The following VPS13D variants were observed in gnomAD, a reference collection of about 807,000 sequenced individuals.
VPS13D encodes intermembrane lipid transfer protein VPS13D.
VPS13D carries 187 observed loss-of-function variants against 461.9 expected under a neutral mutation model. The ratio of observed to expected loss-of-function variants is 0.40; its 90% CI spans 0.36 to 0.46. The LOEUF (loss-of-function observed/expected upper bound fraction) is 0.46, where lower values mean the gene tolerates loss of function less well. Ranked by LOEUF, VPS13D falls within the 20% of genes least tolerant of loss-of-function variation. VPS13D has a pLI of 0.60. For missense variants in VPS13D, 4,711 were observed against 5,364.9 expected (o/e 0.88, Z 3.81); for synonymous variants, 1,951 against 1,986.3 (o/e 0.98, Z 0.47).
chr1:12,361,556 C>T (rs1384962579), intron 50 of VPS13D, among the ~76,000 whole-genome samples: 18 of 150,758 alleles, frequency 1.2e-4, no homozygotes, highest in Admixed American at 7.9e-4. Flanking sequence ...CCACTACGCC[C>T]GGCTAATTTT....
chr1:12,474,026 C>T (rs1431519399), intron 67 of VPS13D, among the ~76,000 whole-genome samples: 1 of 152,118 alleles, frequency 6.6e-6, no homozygotes, highest in African/African-American at 2.4e-5. Flanking sequence ...AATGATATGC[C>T]TCTGGGTTCG....
intron 15 of VPS13D, among the ~76,000 whole-genome samples, chr1:12,268,403 A>G (rs1453685760): frequency 6.6e-6 from 1 of 151,946 alleles, no homozygotes; most frequent in Admixed American, 6.6e-5. Flanking sequence ...TTTCACTTGA[A>G]GACAGCCTGG....
chr1:12,475,066 G>A (rs977089632), intron 67 of VPS13D, among the ~76,000 whole-genome samples: 2 of 152,116 alleles, frequency 1.3e-5, no homozygotes, highest in African/African-American at 4.8e-5. Flanking sequence ...TGCGGAAGTG[G>A]CAGCAGTTCA....
intron 30 of VPS13D, among the ~76,000 whole-genome samples, chr1:12,316,077 A>G (rs1257516300): frequency 6.6e-6 from 1 of 152,146 alleles, no homozygotes; most frequent in Non-Finnish European, 1.5e-5. Flanking sequence ...AGCCTCCCAA[A>G]GTGCTGGGAT....
At position 12,311,443 on chromosome 1, in the gene VPS13D, C is replaced by G. The variant is rs759468264; in HGVS notation, c.6651-11C>G. The G allele has an allele frequency of 2.5e-6, 4 of 1,589,932 alleles. No individual in the cohort carries two copies. Among genetic ancestry groups the G allele is most frequent in the South Asian group, 2.3e-5 (2 of 86,950 alleles). ...CTTGTCTGTGTAAGTGATCTTTTTT[C>G]TTTTTCATAGAGAAATAAGTCATAC... On this transcript the variant is annotated splice_polypyrimidine_tract_variant and intron_variant, in intron 27 of 69. Coordinates refer to ENST00000620676, the MANE Select transcript of VPS13D (RefSeq NM_015378.4).
At chr1:12,289,563 CTT>C (rs761225478) in intron 22 of VPS13D, among the ~76,000 whole-genome samples, 4 of 141,028 alleles carry the variant, frequency 2.8e-5, no homozygotes, top group African/African-American at 2.6e-5. Flanking sequence ...AGGAGATTGG[CTT>C]TTTTTTTTTT....
intron 37 of VPS13D, 139 bp from the exon 38 acceptor site, chr1:12,333,087 G>A: frequency 9.9e-7 from 1 of 1,014,372 alleles, no homozygotes; most frequent in Non-Finnish European, 1.4e-6. Context: ...AAGGTGGTTG[G>A]TGCTTTTGTT....
intron 61 of VPS13D, among the ~76,000 whole-genome samples, chr1:12,401,123 T>C (rs534609639): frequency 1.3e-4 from 20 of 152,328 alleles, no homozygotes; most frequent in African/African-American, 4.6e-4. Flanking sequence ...AAACTTTCTT[T>C]CTTGGAGGAG....
chr1:12,403,323 C>T (rs747875669), intron 62 of VPS13D, among the ~76,000 whole-genome samples: 6 of 152,184 alleles, frequency 3.9e-5, no homozygotes, highest in African/African-American at 7.2e-5. Flanking sequence ...GGAGACAGGG[C>T]GCTGCTTGTA....
chr1:12,456,756 CG>C (rs943321605), intron 66 of VPS13D, among the ~76,000 whole-genome samples: 14 of 152,210 alleles, frequency 9.2e-5, no homozygotes, highest in African/African-American at 3.4e-4. Flanking sequence ...ATACGACAGC[CG>C]GTGAGAACTC....
chr1:12,457,694 G>A (rs540689698), intron 66 of VPS13D, among the ~76,000 whole-genome samples: 7 of 152,314 alleles, frequency 4.6e-5, no homozygotes, highest in South Asian at 4.1e-4. Flanking sequence ...CTTAGGACAC[G>A]TTTAGAATAG....
At chr1:12,415,775 A>G (rs983788440) in intron 64 of VPS13D, among the ~76,000 whole-genome samples, 1 of 152,170 alleles carries the variant, frequency 6.6e-6, no homozygotes, top group South Asian at 2.1e-4. Flanking sequence ...CCTTTTCTCC[A>G]TTCCCCGTTT....
intron 66 of VPS13D, among the ~76,000 whole-genome samples, chr1:12,459,309 T>A (rs950012492): frequency 2.0e-5 from 3 of 152,188 alleles, no homozygotes; most frequent in Non-Finnish European, 2.9e-5. Context: ...ATTTAACGTA[T>A]ACAGGACGGT....
intron 63 of VPS13D, among the ~76,000 whole-genome samples, chr1:12,405,983 T>A (rs1402939184): frequency 6.6e-6 from 1 of 152,188 alleles, no homozygotes; most frequent in Non-Finnish European, 1.5e-5. Flanking sequence ...ATGATGGTTG[T>A]GTGTGCGCTC....
intron 60 of VPS13D, among the ~76,000 whole-genome samples, chr1:12,398,654 G>A (rs1644531496): frequency 6.6e-6 from 1 of 152,206 alleles, no homozygotes; most frequent in South Asian, 2.1e-4. Context: ...ATGTCTGAGT[G>A]TGGCAAGTGT....
chr1:12,240,700 A>G (rs1336390497), intron 2 of VPS13D, among the ~76,000 whole-genome samples: 1 of 150,950 alleles, frequency 6.6e-6, no homozygotes, highest in Admixed American at 6.6e-5. Flanking sequence ...ACCAAGGAAA[A>G]TGTTTCATGA....
chr1:12,368,415 G>A, intron 52 of VPS13D, 53 bp from the exon 53 acceptor site: 1 of 1,546,260 alleles, frequency 6.5e-7, no homozygotes, highest in South Asian at 1.2e-5. Context: ...GTAAGTGGAT[G>A]GCATCTTGTC....
chr1:12,488,326 A>G (rs973476178), intron 67 of VPS13D, among the ~76,000 whole-genome samples: 1 of 152,208 alleles, frequency 6.6e-6, no homozygotes, highest in Non-Finnish European at 1.5e-5. Flanking sequence ...AACATTATCA[A>G]CCAAGTAGGT....
rs996174051 is a variant in VPS13D, at chr1:12,268,697, T to G, written c.1802-9T>G. 1 of 1,611,952 alleles carries G rather than the reference T, an allele frequency of 6.2e-7. No individual in the cohort carries two copies. Reference sequence around the variant, plus strand: ...TGTTCCGTGTTCTTATTCCTGTTCTTTCCTTTAGCTGCAGATCCAGATGGC... The same window carrying G: ...TGTTCCGTGTTCTTATTCCTGTTCTGTCCTTTAGCTGCAGATCCAGATGGC... On this transcript the variant is annotated splice_polypyrimidine_tract_variant and intron_variant, in intron 15 of 69. Transcript: ENST00000620676.
Sources: allele counts gnomAD v4.1 joint callset (sites outside exome capture counted in the v4.1 genomes callset), GRCh38; gene constraint gnomAD v4.1.1; transcripts MANE v1.5; gene names NCBI Gene and HGNC (gene_info 2026-07-23, HGNC 2026-07-21).